The following TLK1 variants were observed in gnomAD, a reference collection of about 807,000 sequenced individuals.
TLK1 encodes serine/threonine-protein kinase tousled-like 1.
In TLK1, 24 loss-of-function variants were observed where a neutral mutation model predicts 105.3. The ratio of observed to expected loss-of-function variants is 0.23; its 90% confidence interval spans 0.17 to 0.32. TLK1 has a LOEUF of 0.32. TLK1 is among the 10% of genes least tolerant of loss of function. The pLI, the probability that TLK1 is intolerant of heterozygous loss-of-function variation, is 1.00. For synonymous variants in TLK1, 321 were observed against 310.4 expected (o/e 1.03, Z -0.36); for missense variants, 558 against 910.5 (o/e 0.61, Z 4.98).
At chr2:171,021,830 T>G (rs1255990507) in intron 12 of TLK1, among the ~76,000 whole-genome samples, 1 of 152,002 alleles carries the variant, frequency 6.6e-6, no homozygotes, top group Non-Finnish European at 1.5e-5. Context: ...TCAGGCACGG[T>G]GGCTCACGCC....
chr2:171,051,636 T>A (rs1687243931), intron 8 of TLK1, among the ~76,000 whole-genome samples: 1 of 152,090 alleles, frequency 6.6e-6, no homozygotes, highest in South Asian at 2.1e-4. Context: ...TGTTCTTCTC[T>A]TGAAAAATAA....
chr2:171,014,381 A>G lies in TLK1; in HGVS notation c.1334+470T>C, dbSNP rs868781975. 3.3e-4 allele frequency among the ~76,000 whole-genome samples: 49 copies of G among 150,422 alleles called. No homozygotes were observed. In the South Asian group the frequency reaches 4.0e-3, roughly 12 times the overall value. ...AGAAGCAGAGACTTTTTTTTTTTTT[A>G]AAGAAATGGGGGTCTCACTATGTTG... On this transcript the variant is annotated intron_variant, in intron 13 of 20. Transcript: ENST00000431350.
At chr2:171,058,555 C>CAGTA (rs1558915181) in intron 4 of TLK1, among the ~76,000 whole-genome samples, 2 of 152,228 alleles carry the variant, frequency 1.3e-5, no homozygotes, top group South Asian at 4.1e-4. Context: ...GTCAAACTGA[C>CAGTA]AGTAACACAC....
At chr2:171,155,141 C>G (rs1394376013) in intron 1 of TLK1, among the ~76,000 whole-genome samples, 1 of 152,154 alleles carries the variant, frequency 6.6e-6, no homozygotes, top group Non-Finnish European at 1.5e-5. Flanking sequence ...TTCAGACTCT[C>G]TAGCTTTAAA....
At chr2:171,165,365 G>A (rs1443030198), upstream of TLK1, among the ~76,000 whole-genome samples, 3 of 152,192 alleles carry the variant, frequency 2.0e-5, no homozygotes, top group Admixed American at 2.0e-4. Flanking sequence ...GGCAATGCAG[G>A]AGAAGTCTTC....
At chr2:171,071,777 C>T (rs531465951) in intron 3 of TLK1, among the ~76,000 whole-genome samples, 13 of 152,276 alleles carry the variant, frequency 8.5e-5, no homozygotes, top group African/African-American at 3.1e-4. Context: ...GATAGGGGAT[C>T]TAGTTTCATT....
intron 11 of TLK1, among the ~76,000 whole-genome samples, chr2:171,031,559 T>G (rs1245164539): frequency 1.3e-5 from 2 of 152,196 alleles, no homozygotes; most frequent in Admixed American, 6.5e-5. Context: ...ATAGCTAAAT[T>G]ATTAATATTT....
At chr2:171,174,795 T>C (rs1692790155) in intron 1 of TLK1, among the ~76,000 whole-genome samples, 1 of 152,202 alleles carries the variant, frequency 6.6e-6, no homozygotes, top group Non-Finnish European at 1.5e-5. Context: ...TTTCCTTTTC[T>C]CAATTCCCCA....
chr2:171,089,133 C>T lies in TLK1; in HGVS notation c.259-6281G>A, dbSNP rs147442133. 4.8e-3 allele frequency among the ~76,000 whole-genome samples: 735 copies of T among 152,310 alleles called. 5 individuals are homozygous for T. The highest frequency in any genetic ancestry group is 0.016 in the African/African-American group (682 of 41,568). On this transcript the variant is annotated intron_variant, in intron 2 of 20. Transcript: ENST00000431350. The stretch of plus-strand genomic sequence containing the variant: ...CTGGCCTCCCAAAGTGCTGGGATTA[C>T]AGGAGTGAGACACCACATTTGGCCT...
rs551776874 is a variant in TLK1 at position 171,036,967 on chromosome 2, G to C, written c.1170-8562C>G. Among the ~76,000 whole-genome samples the C allele has an allele frequency of 3.9e-5, 6 of 152,166 alleles. No homozygotes were observed. The South Asian group carries it at 1.2e-3, about 32-fold the overall frequency. On this transcript the variant is annotated intron_variant, in intron 11 of 20. Coordinates refer to ENST00000431350, the MANE Select transcript of TLK1 (RefSeq NM_012290.5). ...AAAGGCTAGATTTAAATGGGATCAA[G>C]GTTGCTCATCAGCTGATTTTAAGAT...
intron 3 of TLK1, among the ~76,000 whole-genome samples, chr2:171,071,818 C>T (rs180993496): frequency 4.6e-5 from 7 of 152,286 alleles, no homozygotes; most frequent in Admixed American, 2.6e-4. Context: ...GTTTTCCCTG[C>T]ACCATTTATT....
At chr2:171,174,644 A>C (rs1202240899) in intron 1 of TLK1, among the ~76,000 whole-genome samples, 1 of 152,250 alleles carries the variant, frequency 6.6e-6, no homozygotes, top group Non-Finnish European at 1.5e-5. Flanking sequence ...GAGTTCCTTG[A>C]GGGCAAATAC....
chr2:171,095,092 A>G (rs1388397822), intron 2 of TLK1, among the ~76,000 whole-genome samples: 1 of 152,208 alleles, frequency 6.6e-6, no homozygotes, highest in African/African-American at 2.4e-5. Flanking sequence ...ATGAAAACAA[A>G]AACACTGCAT....
chr2:171,123,997 T>A (rs947061124), intron 1 of TLK1, among the ~76,000 whole-genome samples: 5 of 152,242 alleles, frequency 3.3e-5, no homozygotes, highest in Non-Finnish European at 5.9e-5. Context: ...ATATTTGCCT[T>A]TCAGTATGTC....
chr2:171,103,559 T>G (rs979844874), intron 2 of TLK1, among the ~76,000 whole-genome samples: 1 of 152,082 alleles, frequency 6.6e-6, no homozygotes, highest in Admixed American at 6.6e-5. Flanking sequence ...TATATTTAAT[T>G]GCACTTCATT....
intron 3 of TLK1, among the ~76,000 whole-genome samples, chr2:171,072,214 C>T (rs895893222): frequency 2.6e-5 from 4 of 152,190 alleles, no homozygotes; most frequent in Non-Finnish European, 5.9e-5. Context: ...AGTATTGATG[C>T]TTCCATTCCA....
At chr2:171,177,313 T>A (rs564068262) in intron 1 of TLK1, among the ~76,000 whole-genome samples, 1 of 151,932 alleles carries the variant, frequency 6.6e-6, no homozygotes, top group East Asian at 1.9e-4. Context: ...GGCTAATTTT[T>A]AAATTTTTTG....
intron 11 of TLK1, among the ~76,000 whole-genome samples, chr2:171,038,271 C>T (rs556864141): frequency 6.6e-5 from 10 of 151,988 alleles, no homozygotes; most frequent in South Asian, 2.1e-4. Context: ...AAAATTTTAA[C>T]GCGATTTTTA....
chr2:171,225,360 G>T (rs1693879248), intron 1 of TLK1, among the ~76,000 whole-genome samples: 2 of 152,098 alleles, frequency 1.3e-5, no homozygotes, highest in South Asian at 4.1e-4. Context: ...CACACAAATG[G>T]CCAATAAGCA....
Sources: gnomAD v4.1 joint callset for allele counts (sites outside exome capture counted in the v4.1 genomes callset) on GRCh38, gnomAD v4.1.1 for gene constraint, MANE v1.5 for transcripts, NCBI Gene and HGNC (gene_info 2026-07-23, HGNC 2026-07-21) for gene names.